Variants in CDC37L1 observed in about 807,000 individuals in gnomAD.
The protein encoded by CDC37L1 is hsp90 co-chaperone Cdc37-like 1.
A neutral mutation model predicts 45.9 loss-of-function variants in CDC37L1; 32 were observed. The ratio of observed to expected loss-of-function variants is 0.70; its 90% CI spans 0.53 to 0.94. The LOEUF (loss-of-function observed/expected upper bound fraction) is 0.94, where lower values mean the gene tolerates loss of function less well. Among genes scored for constraint, CDC37L1 ranks in the 40% least tolerant of loss-of-function variants. The probability of loss-of-function intolerance (pLI) is 0.00; values close to 1 mark genes in which losing one functional copy is unlikely to be tolerated. For synonymous variants in CDC37L1, 150 were observed against 133.0 expected, an observed-to-expected ratio of 1.13 and a Z score of -0.88; for missense variants, 434 against 405.7, an observed-to-expected ratio of 1.07 and a Z score of -0.60.
chr9:4,705,863 T>C, intron 6 of CDC37L1, 148 bp from the exon 7 acceptor site: 1 of 410,172 alleles, frequency 2.4e-6, no homozygotes, highest in South Asian at 9.9e-5. Flanking sequence ...AGCCCAAGTC[T>C]GTCTCCAAAG....
At position 4,681,959 on chromosome 9, in the gene CDC37L1, T is replaced by A. The variant is rs1331618590; in HGVS notation, c.132+2060T>A. 2.6e-5 allele frequency among the ~76,000 whole-genome samples: 4 copies of A among 152,158 alleles called. 1 individual carries two copies. Among genetic ancestry groups the A allele is most frequent in the Admixed American group, 2.6e-4 (4 of 15,280 alleles). On this transcript the variant is annotated intron_variant, in intron 1 of 6. Coordinates refer to ENST00000381854, the MANE Select transcript of CDC37L1 (RefSeq NM_017913.4). Reference sequence around the variant, plus strand: ...GATTAGAATGTGACCTAATATTTTATTTAATATCTGAATACATGTTGGATA... The same window carrying A: ...GATTAGAATGTGACCTAATATTTTAATTAATATCTGAATACATGTTGGATA...
chr9:4,702,049 T>C, intron 6 of CDC37L1, 21 bp downstream of exon 6: 1 of 1,294,202 alleles, frequency 7.7e-7, no homozygotes, highest in Non-Finnish European at 1.0e-6. Flanking sequence ...AAAGTAAATA[T>C]TTGTTTTATA....
chr9:4,679,960 T>A, intron 1 of CDC37L1, 61 bp downstream of exon 1: 1 of 1,595,182 alleles, frequency 6.3e-7, no homozygotes, highest in African/African-American at 1.3e-5. Flanking sequence ...ACCCCTGGAA[T>A]GCCGCGTCTC....
intron 5 of CDC37L1, among the ~76,000 whole-genome samples, chr9:4,699,059 C>A (rs1841374605): frequency 1.3e-5 from 2 of 152,028 alleles, no homozygotes; most frequent in South Asian, 2.1e-4. Context: ...CTGACAGATA[C>A]AACTCACATA....
At position 4,706,318 on chromosome 9, in the gene CDC37L1, A is replaced by G. The variant is rs1040587579; in HGVS notation, c.*206A>G. 2.1e-5 allele frequency: 7 copies of G among 334,396 alleles called. No individual in the cohort carries two copies. Among genetic ancestry groups the G allele is most frequent in the Non-Finnish European group, 3.9e-5 (7 of 181,742 alleles). 20.7% of individuals were successfully genotyped at this position (334,396 alleles called of 1,614,324 possible). A position where few individuals can be genotyped will look rare whatever the true frequency, so the allele number is the denominator to read the frequency against. ...TTGTTCTGAAGAGAAGAGTGGTACC[A>G]TATGTTGCAGGAAGTCAAACTGGAC... On this transcript the variant is annotated 3_prime_UTR_variant, in exon 7 of 7. Transcript: ENST00000381854.
At chr9:4,705,826 A>G (rs941566762) in intron 6 of CDC37L1, among the ~76,000 whole-genome samples, 185 bp from the exon 7 acceptor site, 72 of 151,648 alleles carry the variant, frequency 4.7e-4, no homozygotes, top group African/African-American at 1.6e-3. Flanking sequence ...ATAGCATCCT[A>G]TTTTTTTCTT....
intron 1 of CDC37L1, among the ~76,000 whole-genome samples, chr9:4,684,328 T>G (rs974048282): frequency 2.0e-5 from 3 of 152,070 alleles, no homozygotes; most frequent in Admixed American, 6.5e-5. Context: ...AGGAATAAAT[T>G]AAAGGATATC....
chr9:4,679,656 C>A lies in CDC37L1; in HGVS notation c.-112C>A. On this transcript the variant is annotated 5_prime_UTR_variant, in exon 1 of 7. Transcript: ENST00000381854. ...AGTAGAGGGATTCTGGGTAACGGCC[C>A]GGACCCCCGGCTGGGCTTCTGGCTC... 9.7e-7 allele frequency: 1 copy of A among 1,029,220 alleles called. No individual in the cohort carries two copies. Among genetic ancestry groups the A allele is most frequent in the East Asian group, 2.8e-5 (1 of 35,590 alleles). The allele number at this position is 1,029,220 out of a possible 1,614,324, so 63.8% of individuals were successfully genotyped here. A position where few individuals can be genotyped will look rare whatever the true frequency, so the allele number is the denominator to read the frequency against.
chr9:4,691,277 C>T (rs1477043545), intron 3 of CDC37L1, among the ~76,000 whole-genome samples: 1 of 152,100 alleles, frequency 6.6e-6, no homozygotes, highest in Non-Finnish European at 1.5e-5. Context: ...TATTACATCA[C>T]CCAGGTATTA....
intron 1 of CDC37L1, among the ~76,000 whole-genome samples, chr9:4,683,775 G>A (rs1841220325): frequency 6.6e-6 from 1 of 152,150 alleles, no homozygotes; most frequent in Non-Finnish European, 1.5e-5. Context: ...ATGCAGATAT[G>A]GGAACAGATT....
At chr9:4,686,502 A>AT (rs3837258) in intron 2 of CDC37L1, among the ~76,000 whole-genome samples, 14,647 of 152,036 alleles carry the variant, frequency 0.096, 1,132 homozygotes, top group East Asian at 0.37. Flanking sequence ...ATTGAAAATA[A>AT]TTTTTTTTCT....
intron 1 of CDC37L1, 74 bp from the exon 2 acceptor site, chr9:4,684,803 T>A (rs1156632006): frequency 2.7e-6 from 3 of 1,093,766 alleles, no homozygotes; most frequent in Non-Finnish European, 4.0e-6. Context: ...ATCCTTTGAA[T>A]TAAGAAAAAT....
rs2181341 is a variant in CDC37L1 at position 4,706,214 on chromosome 9, C to T, written c.*102C>T. The stretch of plus-strand genomic sequence containing the variant: ...ATGGGTGCTGCACTTTATTTTTGTT[C>T]GGTTTTTGATGGGAGGGAAAGAGTA... On this transcript the variant is annotated 3_prime_UTR_variant, in exon 7 of 7. Coordinates refer to ENST00000381854, the MANE Select transcript of CDC37L1 (RefSeq NM_017913.4). The T allele has an allele frequency of 0.39, 208,923 of 534,834 alleles. 42,746 individuals carry two copies. The highest frequency in any genetic ancestry group is 0.58 in the East Asian group (20,124 of 34,594). The allele number at this position is 534,834 out of a possible 1,614,324, so 33.1% of individuals were successfully genotyped here.
rs372974273 is a variant in CDC37L1, at chr9:4,685,171, A to G, written c.414+13A>G. 1 of 1,601,444 alleles carries G rather than the reference A, an allele frequency of 6.2e-7. No individual in the cohort carries two copies. The highest frequency in any genetic ancestry group is 8.6e-7 in the Non-Finnish European group (1 of 1,169,524). On this transcript the variant is annotated intron_variant, in intron 2 of 6. Transcript: ENST00000381854. ...TGTTTTTAATAAGGTATGAGCTTTTACTGGGCCATAATGAAAGAAGAAAAA... is the reference window on the plus strand; with the variant it reads ...TGTTTTTAATAAGGTATGAGCTTTTGCTGGGCCATAATGAAAGAAGAAAAA...
intron 1 of CDC37L1, among the ~76,000 whole-genome samples, chr9:4,682,203 C>T (rs1394361080): frequency 1.4e-5 from 2 of 147,360 alleles, no homozygotes; most frequent in Non-Finnish European, 3.0e-5. Flanking sequence ...TGCTGTGTTG[C>T]CCAGGCTGGA....
At chr9:4,701,665 T>C (rs947574477) in intron 5 of CDC37L1, among the ~76,000 whole-genome samples, 199 bp from the exon 6 acceptor site, 1 of 152,106 alleles carries the variant, frequency 6.6e-6, no homozygotes, top group Non-Finnish European at 1.5e-5. Flanking sequence ...CAGAAGGAAA[T>C]GGAGCAAACC....
intron 1 of CDC37L1, among the ~76,000 whole-genome samples, chr9:4,680,798 C>A (rs187465204): frequency 6.6e-6 from 1 of 152,176 alleles, no homozygotes; most frequent in East Asian, 1.9e-4. Flanking sequence ...AATGGGGTTC[C>A]CAAGAGTGTA....
intron 5 of CDC37L1, among the ~76,000 whole-genome samples, chr9:4,698,194 G>C (rs1316210226): frequency 1.3e-5 from 2 of 151,994 alleles, no homozygotes; most frequent in African/African-American, 2.4e-5. Flanking sequence ...AGCTGTTTCA[G>C]ATGCTCAGGA....
At chr9:4,684,386 C>T (rs764418628) in intron 1 of CDC37L1, among the ~76,000 whole-genome samples, 19 of 152,104 alleles carry the variant, frequency 1.2e-4, no homozygotes, top group Non-Finnish European at 2.5e-4. Flanking sequence ...AAGAACTTCT[C>T]AAATCACCAA....
Sources: allele counts gnomAD v4.1 joint callset (sites outside exome capture counted in the v4.1 genomes callset), GRCh38; gene constraint gnomAD v4.1.1; transcripts MANE v1.5; gene names NCBI Gene and HGNC (gene_info 2026-07-23, HGNC 2026-07-21).